The following PAWR variants were observed in gnomAD, a reference collection of about 807,000 sequenced individuals.
PAWR encodes the protein pro-apoptotic WT1 regulator.
In PAWR, 23 loss-of-function variants were observed where a neutral mutation model predicts 32.0. The observed-to-expected ratio is 0.72, with a 90% CI of 0.52 to 1.02. The LOEUF is 1.02. Ranked by LOEUF, PAWR falls within the 50% of genes least tolerant of loss-of-function variation. PAWR has a pLI of 0.00. For synonymous variants in PAWR, 226 were observed against 187.1 expected, an observed-to-expected ratio of 1.21 and a Z score of -1.70; for missense variants, 457 against 437.7, an observed-to-expected ratio of 1.04 and a Z score of -0.39.
At chr12:79,685,682 T>C (rs1479743859) in intron 2 of PAWR, among the ~76,000 whole-genome samples, 2 of 152,134 alleles carry the variant, frequency 1.3e-5, no homozygotes, top group Admixed American at 6.5e-5. Flanking sequence ...ACTCTATAGG[T>C]TAGAGGGTCA....
intron 3 of PAWR, among the ~76,000 whole-genome samples, chr12:79,615,310 C>G (rs1335484319): frequency 6.6e-6 from 1 of 152,150 alleles, no homozygotes; most frequent in African/African-American, 2.4e-5. Context: ...CCCCAGCTCA[C>G]CTAGTATGCA....
In PAWR at chr12:79,587,091, AG is replaced by A. The variant is rs1210947451; in HGVS notation, c.*5515del. ...TGCATAAACACAAAGTGAATCTAGA[AG>A]GGAAAAAATTGAGTTTGATGAAGTC... On this transcript the variant is annotated 3_prime_UTR_variant, in exon 7 of 7. Transcript: ENST00000328827. 6.6e-6 allele frequency: 1 copy of A among 152,118 alleles called. No homozygotes were observed. Among genetic ancestry groups the A allele is most frequent in the Non-Finnish European group, 1.5e-5 (1 of 67,980 alleles). The allele number at this position is 152,118 out of a possible 1,614,324, so 9.4% of individuals were successfully genotyped here. A position where few individuals can be genotyped will look rare whatever the true frequency, so the allele number is the denominator to read the frequency against.
chr12:79,666,044 G>A (rs1400573185), intron 2 of PAWR, among the ~76,000 whole-genome samples: 1 of 152,128 alleles, frequency 6.6e-6, no homozygotes, highest in African/African-American at 2.4e-5. Flanking sequence ...TTCTTAAAGA[G>A]ATTATATAGT....
chr12:79,603,440 CA>C (rs373566483), intron 4 of PAWR, among the ~76,000 whole-genome samples: 10 of 149,810 alleles, frequency 6.7e-5, no homozygotes, highest in African/African-American at 1.5e-4. Flanking sequence ...CCATTTTTCA[CA>C]AAAAAAAAGA....
intron 4 of PAWR, among the ~76,000 whole-genome samples, chr12:79,605,453 C>T (rs1874135204): frequency 6.6e-6 from 1 of 151,922 alleles, no homozygotes; most frequent in Non-Finnish European, 1.5e-5. Context: ...AACAGCCAGG[C>T]ATAGTACCCT....
chr12:79,638,417 T>C (rs751898442), intron 2 of PAWR, among the ~76,000 whole-genome samples: 19 of 152,176 alleles, frequency 1.2e-4, no homozygotes, highest in Non-Finnish European at 1.9e-4. Context: ...AATGTCTTTT[T>C]CTAGTTTACC....
intron 4 of PAWR, among the ~76,000 whole-genome samples, chr12:79,600,547 A>T: frequency 6.6e-6 from 1 of 151,630 alleles, no homozygotes; most frequent in East Asian, 1.9e-4. Flanking sequence ...ACCATGGCTC[A>T]CTGCAGCCTT....
At chr12:79,607,792 T>C (rs1566000030) in intron 4 of PAWR, among the ~76,000 whole-genome samples, 1 of 151,560 alleles carries the variant, frequency 6.6e-6, no homozygotes, top group Non-Finnish European at 1.5e-5. Flanking sequence ...TTTTGACCCT[T>C]GACCAACAAA....
At chr12:79,613,000 GT>G (rs960635345) in intron 4 of PAWR, among the ~76,000 whole-genome samples, 37 of 152,150 alleles carry the variant, frequency 2.4e-4, no homozygotes, top group Non-Finnish European at 1.5e-5. Context: ...AGATAATTGG[GT>G]TTAAATGAGG....
intron 2 of PAWR, among the ~76,000 whole-genome samples, chr12:79,626,765 G>T (rs999220008): frequency 1.3e-5 from 2 of 151,720 alleles, no homozygotes; most frequent in Admixed American, 1.3e-4. Flanking sequence ...ACAGTCCCTG[G>T]TGTGTTATGT....
chr12:79,627,416 C>T (rs911539940), intron 2 of PAWR, among the ~76,000 whole-genome samples: 34 of 152,056 alleles, frequency 2.2e-4, no homozygotes, highest in East Asian at 9.6e-4. Flanking sequence ...TCATATCCTT[C>T]GCCCACTTTT....
chr12:79,689,671 C>G, intron 2 of PAWR, 58 bp downstream of exon 2: 1 of 1,512,804 alleles, frequency 6.6e-7, no homozygotes, highest in South Asian at 1.2e-5. Context: ...AGGAGGAAGA[C>G]ACCGGGAGGC....
At chr12:79,595,617 C>A (rs8176906) in intron 5 of PAWR, among the ~76,000 whole-genome samples, 1 of 152,122 alleles carries the variant, frequency 6.6e-6, no homozygotes, top group South Asian at 2.1e-4. Context: ...GAAGCCGAGG[C>A]GGGTGGATCA....
At position 79,622,668 on chromosome 12, in the gene PAWR, G is replaced by A. The variant is rs375353822; in HGVS notation, c.517-1461C>T. Among the ~76,000 whole-genome samples the A allele has an allele frequency of 1.3e-4, 20 of 152,272 alleles. No individual in the cohort carries two copies. In the East Asian group the frequency reaches 3.3e-3, roughly 25 times the overall value. On this transcript the variant is annotated intron_variant, in intron 2 of 6. Transcript: ENST00000328827. ...AAGTCTGAGGACAGAAATGGAAAGG[G>A]CAAATGAAAGGAGCATGCAGGTTGA...
At position 79,690,280 on chromosome 12, in the gene PAWR, C is replaced by T. The variant is rs1403756858; in HGVS notation, c.-36G>A. ...GGGCCGGTCGGGCTCTCACCTCAGG[C>T]CGCCCACCAGGGCTCCGGCCGCTGC... is the stretch of plus-strand genomic sequence containing the variant. On this transcript the variant is annotated 5_prime_UTR_variant, in exon 2 of 7. Coordinates refer to ENST00000328827, the MANE Select transcript of PAWR (RefSeq NM_002583.4). The T allele has an allele frequency of 2.8e-6, 4 of 1,442,420 alleles. No individual in the cohort carries two copies. The highest frequency in any genetic ancestry group is 3.0e-5 in the East Asian group (1 of 33,548). The allele number at this position is 1,442,420 out of a possible 1,614,324, so 89.4% of individuals were successfully genotyped here. A position where few individuals can be genotyped will look rare whatever the true frequency, so the allele number is the denominator to read the frequency against.
At position 79,676,030 on chromosome 12, in the gene PAWR, A is replaced by G. The variant is rs566308598; in HGVS notation, c.516+13699T>C. ...GCATTATGAAGTTGGAAACAGAGGAAAAAAAAAAAATCAAGAATGGAGGCA... is the reference window on the plus strand; with the variant it reads ...GCATTATGAAGTTGGAAACAGAGGAGAAAAAAAAAATCAAGAATGGAGGCA... On this transcript the variant is annotated intron_variant, in intron 2 of 6. Coordinates refer to ENST00000328827, the MANE Select transcript of PAWR (RefSeq NM_002583.4). 4.2e-3 allele frequency among the ~76,000 whole-genome samples: 622 copies of G among 149,744 alleles called. 12 individuals are homozygous for G. The highest frequency in any genetic ancestry group is 0.014 in the African/African-American group (590 of 41,178).
At chr12:79,685,676 T>TA (rs1953931028) in intron 2 of PAWR, among the ~76,000 whole-genome samples, 1 of 152,198 alleles carries the variant, frequency 6.6e-6, no homozygotes, top group Admixed American at 6.5e-5. Context: ...TTTGCCACTC[T>TA]ATAGGTTAGA....
intron 4 of PAWR, among the ~76,000 whole-genome samples, chr12:79,601,035 T>C (rs1240039194): frequency 1.3e-5 from 2 of 152,070 alleles, no homozygotes; most frequent in Admixed American, 1.3e-4. Context: ...GACTACACTT[T>C]GGGTATCACT....
At chr12:79,685,330 G>A (rs887777575) in intron 2 of PAWR, among the ~76,000 whole-genome samples, 4 of 152,074 alleles carry the variant, frequency 2.6e-5, no homozygotes, top group Non-Finnish European at 4.4e-5. Context: ...CACACAGAAA[G>A]GTAGACAGTC....
Sources: allele counts gnomAD v4.1 joint callset (sites outside exome capture counted in the v4.1 genomes callset), GRCh38; gene constraint gnomAD v4.1.1; transcripts MANE v1.5; gene names NCBI Gene and HGNC (gene_info 2026-07-23, HGNC 2026-07-21).